EIPR1: variants seen among roughly 807,000 people sequenced by gnomAD.
The protein encoded by EIPR1 is EARP and GARP complex-interacting protein 1.
EIPR1 carries 25 observed loss-of-function variants against 48.1 expected under a neutral mutation model. The observed-to-expected ratio is 0.52, with a 90% confidence interval of 0.38 to 0.73. The LOEUF (loss-of-function observed/expected upper bound fraction) is 0.73. Among genes scored for constraint, EIPR1 ranks in the 30% least tolerant of loss-of-function variants. The pLI is 0.00. For missense variants in EIPR1, 415 were observed against 506.2 expected (o/e 0.82, Z 1.73); for synonymous variants, 204 against 201.9 (o/e 1.01, Z -0.09).
chr2:3,214,304 G>C, intron 4 of EIPR1, 56 bp from the exon 5 acceptor site: 1 of 1,514,584 alleles, frequency 6.6e-7, no homozygotes, highest in Non-Finnish European at 9.1e-7. Context: ...ACCCAGGCTG[G>C]TAGGTAAGAG....
chr2:3,245,109 AT>A (rs1320523852), intron 4 of EIPR1, among the ~76,000 whole-genome samples: 2 of 152,098 alleles, frequency 1.3e-5, no homozygotes, highest in African/African-American at 4.8e-5. Flanking sequence ...TTTTAATAAC[AT>A]TTATATGGGG....
At chr2:3,272,014 G>C (rs1172054819) in intron 3 of EIPR1, among the ~76,000 whole-genome samples, 1 of 152,232 alleles carries the variant, frequency 6.6e-6, no homozygotes, top group Non-Finnish European at 1.5e-5. Context: ...ATCAGCACTT[G>C]CTGCTTCACC....
rs1206523943 is a variant in EIPR1, at chr2:3,214,927, A to T, written c.417-679T>A. 2.8e-5 allele frequency among the ~76,000 whole-genome samples: 4 copies of T among 143,812 alleles called. No individual in the cohort carries two copies. The East Asian group carries it at 6.4e-4, about 23-fold the overall frequency. 94.3% of individuals were successfully genotyped at this position (143,812 alleles called of 152,430 possible). On this transcript the variant is annotated intron_variant, in intron 4 of 8. Coordinates refer to ENST00000382125, the MANE Select transcript of EIPR1 (RefSeq NM_003310.5). ...ACCTCACAATGGGATTCATGCCTTTATAAGAAGAGACCTGGAGGGCAGGCT... is the reference window on the plus strand; with the variant it reads ...ACCTCACAATGGGATTCATGCCTTTTTAAGAAGAGACCTGGAGGGCAGGCT...
intron 5 of EIPR1, among the ~76,000 whole-genome samples, chr2:3,199,076 C>CG (rs1664920835): frequency 1.2e-5 from 1 of 82,042 alleles, no homozygotes; most frequent in Non-Finnish European, 3.3e-5. Context: ...CCCCCCGCCC[C>CG]GGGAATGCAT....
intron 4 of EIPR1, among the ~76,000 whole-genome samples, chr2:3,229,243 C>T (rs1463370515): frequency 6.6e-6 from 1 of 152,220 alleles, no homozygotes; most frequent in Non-Finnish European, 1.5e-5. Context: ...AAGAAAGTCA[C>T]TCCTTGAAAA....
At chr2:3,205,908 T>G (rs141532357) in intron 5 of EIPR1, among the ~76,000 whole-genome samples, 1 of 152,248 alleles carries the variant, frequency 6.6e-6, no homozygotes, top group African/African-American at 2.4e-5. Context: ...GCCTAGCACG[T>G]GGCAGGCATC....
chr2:3,226,639 C>G (rs1280034978), intron 4 of EIPR1, among the ~76,000 whole-genome samples: 1 of 152,146 alleles, frequency 6.6e-6, no homozygotes, highest in Non-Finnish European at 1.5e-5. Flanking sequence ...TTTATTTTTG[C>G]TTTTGCTGCC....
rs1667256976 is a variant in EIPR1 at position 3,259,353 on chromosome 2, T to C, written c.260-1898A>G. 2.5e-5 allele frequency among the ~76,000 whole-genome samples: 3 copies of C among 122,346 alleles called. No individual in the cohort carries two copies. In the South Asian group the frequency reaches 9.6e-4, roughly 39 times the overall value. 80.3% of individuals were successfully genotyped at this position (122,346 alleles called of 152,430 possible). A position where few individuals can be genotyped will look rare whatever the true frequency, so the allele number is the denominator to read the frequency against. ...TGTTCAGGTGTAAAGAAAGTGACTT[T>C]CCTGTAAACGCCAGCTCACCAAACT... is the stretch of plus-strand genomic sequence containing the variant. On this transcript the variant is annotated intron_variant, in intron 3 of 8. Coordinates refer to ENST00000382125, the MANE Select transcript of EIPR1 (RefSeq NM_003310.5).
chr2:3,334,944 T>C (rs1312176500), intron 3 of EIPR1, among the ~76,000 whole-genome samples: 1 of 152,248 alleles, frequency 6.6e-6, no homozygotes, highest in Admixed American at 6.5e-5. Flanking sequence ...CTTACACCTG[T>C]GGACGACCAA....
At chr2:3,275,464 T>G (rs2103251306) in intron 3 of EIPR1, among the ~76,000 whole-genome samples, 1 of 152,280 alleles carries the variant, frequency 6.6e-6, no homozygotes, top group South Asian at 2.1e-4. Context: ...ATAGAACCAG[T>G]TAGAAAAAAA....
intron 4 of EIPR1, among the ~76,000 whole-genome samples, chr2:3,215,482 A>G (rs1266149476): frequency 6.6e-6 from 1 of 152,228 alleles, no homozygotes; most frequent in Non-Finnish European, 1.5e-5. Context: ...CCTAAATGAT[A>G]CAATGCTATT....
At chr2:3,197,076 T>C in intron 5 of EIPR1, 59 bp from the exon 6 acceptor site, 2 of 1,593,820 alleles carry the variant, frequency 1.3e-6, no homozygotes, top group Non-Finnish European at 1.7e-6. Flanking sequence ...GTGAAGTCTG[T>C]TCAGAAAACG....
rs56963007 is a variant in EIPR1 at position 3,210,627 on chromosome 2, C to CTTTTTT, written c.516+3516_516+3521dup. Among the ~76,000 whole-genome samples the CTTTTTT allele has an allele frequency of 5.1e-5, 6 of 118,418 alleles. 3 individuals are homozygous for CTTTTTT. Among genetic ancestry groups the CTTTTTT allele is most frequent in the African/African-American group, 1.9e-4 (6 of 31,698 alleles). 77.7% of individuals were successfully genotyped at this position (118,418 alleles called of 152,430 possible). ...TCTTCTCACTGTTTACCTCCCAATTCTTTTTTTTTTTTTTTTTTTTTGAGA... is the reference window on the plus strand; with the variant it reads ...TCTTCTCACTGTTTACCTCCCAATTCTTTTTTTTTTTTTTTTTTTTTTTTTTTGAGA... On this transcript the variant is annotated intron_variant, in intron 5 of 8. Coordinates refer to ENST00000382125, the MANE Select transcript of EIPR1 (RefSeq NM_003310.5).
chr2:3,287,510 A>T (rs1668232486), intron 3 of EIPR1, among the ~76,000 whole-genome samples: 3 of 151,708 alleles, frequency 2.0e-5, no homozygotes, highest in Admixed American at 2.0e-4. Context: ...ACCACACTCC[A>T]GAAAGTTTGT....
intron 3 of EIPR1, among the ~76,000 whole-genome samples, chr2:3,327,043 A>T (rs1669719050): frequency 1.3e-5 from 2 of 152,238 alleles, no homozygotes; most frequent in Admixed American, 1.3e-4. Context: ...GCTTCCAGTC[A>T]GCAGGCGAGA....
intron 3 of EIPR1, among the ~76,000 whole-genome samples, chr2:3,288,758 G>A (rs374478519): frequency 9.2e-5 from 14 of 152,346 alleles, no homozygotes; most frequent in Middle Eastern, 3.4e-3. Flanking sequence ...AGCATCAGAT[G>A]GCGCATGGCC....
At chr2:3,332,747 T>C (rs759557129) in intron 3 of EIPR1, among the ~76,000 whole-genome samples, 2 of 152,234 alleles carry the variant, frequency 1.3e-5, no homozygotes, top group East Asian at 1.9e-4. Context: ...TCATCATCTA[T>C]ATAGAAAACG....
At chr2:3,210,886 G>A (rs1279164236) in intron 5 of EIPR1, among the ~76,000 whole-genome samples, 4 of 152,044 alleles carry the variant, frequency 2.6e-5, no homozygotes, top group African/African-American at 9.7e-5. Context: ...TGATCCACCC[G>A]CCTCAACCTC....
chr2:3,276,531 C>A (rs1173419958), intron 3 of EIPR1, among the ~76,000 whole-genome samples: 2 of 152,224 alleles, frequency 1.3e-5, no homozygotes, highest in African/African-American at 4.8e-5. Flanking sequence ...ACCCAGCACC[C>A]TTGGGCCACC....
Sources: gnomAD v4.1 joint callset for allele counts (sites outside exome capture counted in the v4.1 genomes callset) on GRCh38, gnomAD v4.1.1 for gene constraint, MANE v1.5 for transcripts, NCBI Gene and HGNC (gene_info 2026-07-23, HGNC 2026-07-21) for gene names.